Variants in ISY1 observed in about 807,000 individuals in gnomAD.
ISY1 encodes pre-mRNA-splicing factor ISY1 homolog.
A neutral mutation model predicts 54.4 loss-of-function variants in ISY1; 12 were observed. The observed-to-expected ratio is 0.22, with a 90% confidence interval of 0.14 to 0.36. ISY1 has a LOEUF of 0.36. Among genes scored for constraint, ISY1 ranks in the 10% least tolerant of loss-of-function variants. ISY1 has a pLI of 1.00. For synonymous variants in ISY1, 96 were observed against 117.9 expected (o/e 0.81, Z 1.20); for missense variants, 282 against 342.2 (o/e 0.82, Z 1.39).
At chr3:129,145,651 C>T (rs1361312430) in intron 6 of ISY1, 110 bp downstream of exon 6, 8 of 1,007,588 alleles carry the variant, frequency 7.9e-6, no homozygotes, top group Non-Finnish European at 1.2e-5. Context: ...TCCTACCCAT[C>T]CTGTTCATAG....
At chr3:129,142,717 C>T (rs1936658255) in intron 6 of ISY1, among the ~76,000 whole-genome samples, 1 of 151,442 alleles carries the variant, frequency 6.6e-6, no homozygotes, top group South Asian at 2.1e-4. Context: ...CAAGACCAGC[C>T]TGGGCAACAT....
chr3:129,130,914 T>C (rs548139822), intron 9 of ISY1, among the ~76,000 whole-genome samples: 7 of 152,334 alleles, frequency 4.6e-5, no homozygotes, highest in African/African-American at 1.7e-4. Flanking sequence ...AAGAGAATCT[T>C]TGTGGAATAT....
intron 6 of ISY1, among the ~76,000 whole-genome samples, chr3:129,142,515 T>C (rs1278463323): frequency 6.6e-6 from 1 of 152,114 alleles, no homozygotes. Flanking sequence ...ATAAAGCAAA[T>C]ACAAGCAAAA....
intron 5 of ISY1, among the ~76,000 whole-genome samples, chr3:129,148,946 AT>A (rs1436810767): frequency 1.3e-5 from 2 of 152,206 alleles, no homozygotes; most frequent in Admixed American, 6.5e-5. Context: ...TAATCGATGA[AT>A]TTTTAAGAGT....
chr3:129,134,032 G>C, intron 9 of ISY1, 42 bp downstream of exon 9: 1 of 1,612,300 alleles, frequency 6.2e-7, no homozygotes, highest in East Asian at 2.2e-5. Context: ...TCATGGCTTG[G>C]AACAGATGGC....
At chr3:129,151,143 T>A (rs4283586) in intron 5 of ISY1, among the ~76,000 whole-genome samples, 135,074 of 146,850 alleles carry the variant, frequency 0.92, 62,541 homozygotes, top group East Asian at 0.99. Context: ...TATATATATA[T>A]AAATATATAA....
chr3:129,156,240 T>C (rs1429095776), intron 5 of ISY1, among the ~76,000 whole-genome samples: 1 of 151,224 alleles, frequency 6.6e-6, no homozygotes, highest in African/African-American at 2.4e-5. Context: ...CTACTGAAAG[T>C]ACAAAAAAAT....
intron 7 of ISY1, among the ~76,000 whole-genome samples, chr3:129,136,293 G>A (rs1025896634): frequency 6.6e-6 from 1 of 151,128 alleles, no homozygotes; most frequent in African/African-American, 2.4e-5. Flanking sequence ...GTAGAGATGG[G>A]GTTTCACCAT....
At chr3:129,149,610 AATATATATATAT>A (rs1199049568) in intron 5 of ISY1, among the ~76,000 whole-genome samples, 725 of 24,586 alleles carry the variant, frequency 0.029, 37 homozygotes, top group African/African-American at 0.082. Flanking sequence ...AAAAAAAAAA[AATATATATATAT>A]ATATATATAT....
chr3:129,146,942 C>A (rs1018241602), intron 5 of ISY1, among the ~76,000 whole-genome samples: 1 of 151,978 alleles, frequency 6.6e-6, no homozygotes, highest in Admixed American at 6.6e-5. Flanking sequence ...GCCTGTGGTT[C>A]CAGCTACTTG....
At chr3:129,130,724 T>A in intron 9 of ISY1, 88 bp from the exon 10 acceptor site, 2 of 1,392,230 alleles carry the variant, frequency 1.4e-6, no homozygotes, top group Admixed American at 2.5e-5. Context: ...TCTGCAACTA[T>A]TTAAAAGAAA....
intron 7 of ISY1, among the ~76,000 whole-genome samples, chr3:129,138,047 C>T (rs1170092079): frequency 1.4e-5 from 2 of 147,754 alleles, no homozygotes; most frequent in Admixed American, 6.8e-5. Context: ...GAGACCAAGG[C>T]GGGCGGATCA....
chr3:129,160,918 G>GGCCCGGGGGGGGGGGGGGCC (rs1937290161), intron 1 of ISY1, 55 bp downstream of exon 1: 2 of 666,128 alleles, frequency 3.0e-6, no homozygotes, highest in East Asian at 2.8e-5. Flanking sequence ...TGGACTGGGC[G>GGCCCGGGGGGGGGGGGGGCC]CCCCCCCGCC....
rs575962325 is a variant in ISY1 at position 129,129,640 on chromosome 3, C to T, written c.*441G>A. 428 of 152,642 alleles carry T rather than the reference C, an allele frequency of 2.8e-3. No homozygotes were observed. Among genetic ancestry groups the T allele is most frequent in the Middle Eastern group, 6.8e-3 (2 of 296 alleles). The allele number at this position is 152,642 out of a possible 1,614,324, so 9.5% of individuals were successfully genotyped here. On this transcript the variant is annotated 3_prime_UTR_variant, in exon 11 of 11. Transcript: ENST00000393295. ...CCGCCCGCCTCGGCCTCCCAAAGTGCTGGGGTTACAGGCGTGAGCCACTGC... is the reference window on the plus strand; with the variant it reads ...CCGCCCGCCTCGGCCTCCCAAAGTGTTGGGGTTACAGGCGTGAGCCACTGC...
At chr3:129,155,144 G>T (rs959510292) in intron 5 of ISY1, among the ~76,000 whole-genome samples, 4 of 151,820 alleles carry the variant, frequency 2.6e-5, no homozygotes, top group Non-Finnish European at 4.4e-5. Context: ...TAGAAGCTTA[G>T]ATCACTGATT....
intron 5 of ISY1, among the ~76,000 whole-genome samples, chr3:129,146,980 G>T (rs1936780038): frequency 1.3e-5 from 2 of 151,954 alleles, no homozygotes; most frequent in Admixed American, 1.3e-4. Context: ...AATCGCTTGA[G>T]CCCAGGAAGT....
chr3:129,159,261 CAAG>C, intron 1 of ISY1, 85 bp from the exon 2 acceptor site: 2 of 1,539,308 alleles, frequency 1.3e-6, no homozygotes, highest in Non-Finnish European at 1.8e-6. Context: ...AAAAGTTTTA[CAAG>C]AATACAATCA....
At chr3:129,147,058 C>CAAAAAAAAA (rs762063515) in intron 5 of ISY1, among the ~76,000 whole-genome samples, 1 of 127,692 alleles carries the variant, frequency 7.8e-6, no homozygotes. Context: ...GACCGCCATT[C>CAAAAAAAAA]AAAAAAAAAA....
intron 5 of ISY1, among the ~76,000 whole-genome samples, chr3:129,151,287 T>C (rs1218078678): frequency 6.6e-6 from 1 of 151,664 alleles, no homozygotes; most frequent in Non-Finnish European, 1.5e-5. Context: ...ACTTATCCAT[T>C]TTAGAAGTCT....
Sources: gnomAD v4.1 joint callset for allele counts (sites outside exome capture counted in the v4.1 genomes callset) on GRCh38, gnomAD v4.1.1 for gene constraint, MANE v1.5 for transcripts, NCBI Gene and HGNC (gene_info 2026-07-23, HGNC 2026-07-21) for gene names.